The following ARB2A variants were observed in gnomAD, a reference collection of about 807,000 sequenced individuals.
ARB2A encodes the protein ARB2 cotranscriptional regulator A, also known as cotranscriptional regulator ARB2A.
the ARB2A span, among the ~76,000 whole-genome samples, chr5:93,832,639 C>A: frequency 6.6e-6 from 1 of 152,312 alleles, no homozygotes; most frequent in Admixed American, 6.5e-5. Flanking sequence ...AGTCCTACCC[C>A]TGGTCGCTTG....
the ARB2A span, among the ~76,000 whole-genome samples, chr5:94,001,601 T>C: frequency 4.0e-4 from 61 of 152,242 alleles, no homozygotes; most frequent in African/African-American, 1.4e-3. Context: ...TCCAGTCCAC[T>C]AATACACTGA....
the ARB2A span, among the ~76,000 whole-genome samples, chr5:94,070,167 C>A: frequency 6.6e-6 from 1 of 152,008 alleles, no homozygotes; most frequent in Non-Finnish European, 1.5e-5. Flanking sequence ...AGAATAAAAT[C>A]ATGTCATTTG....
chr5:94,111,542 G>C, the ARB2A span: 5 of 152,416 alleles, frequency 3.3e-5, no homozygotes, highest in South Asian at 1.0e-3. Flanking sequence ...AGGGCTGAGG[G>C]GGCAGGCGGG....
the ARB2A span, chr5:93,964,492 T>C: frequency 1.6e-5 from 26 of 1,582,760 alleles, no homozygotes; most frequent in Admixed American, 3.5e-4. Flanking sequence ...ACAATCCTTT[T>C]CCAGGAGCTC....
the ARB2A span, among the ~76,000 whole-genome samples, chr5:93,743,963 G>A: frequency 1.3e-5 from 2 of 152,120 alleles, no homozygotes; most frequent in Admixed American, 6.5e-5. Context: ...ATCGCGCCTG[G>A]CTAACAGCCC....
chr5:93,737,470 G>GTT, the ARB2A span: 4 of 151,544 alleles, frequency 2.6e-5, no homozygotes, highest in African/African-American at 9.7e-5. Context: ...AACCCACAAT[G>GTT]GTGTGTGTGT....
At chr5:93,704,004 G>A in the ARB2A span, among the ~76,000 whole-genome samples, 1 of 152,114 alleles carries the variant, frequency 6.6e-6, no homozygotes, top group Non-Finnish European at 1.5e-5. Context: ...AGCTCTCATG[G>A]GGCTGTTAAA....
chr5:94,051,228 T>C, the ARB2A span, among the ~76,000 whole-genome samples: 4 of 152,122 alleles, frequency 2.6e-5, no homozygotes, highest in African/African-American at 9.7e-5. Context: ...ACAATCGAGA[T>C]TGAAATATGT....
chr5:93,710,818 T>A, the ARB2A span, among the ~76,000 whole-genome samples: 1 of 152,224 alleles, frequency 6.6e-6, no homozygotes, highest in African/African-American at 2.4e-5. Flanking sequence ...AACATTTTAG[T>A]TAGTCTGCTT....
the ARB2A span, among the ~76,000 whole-genome samples, chr5:94,069,017 A>G: frequency 6.7e-6 from 1 of 150,270 alleles, no homozygotes; most frequent in African/African-American, 2.5e-5. Context: ...CCTCGGCAAC[A>G]ATAGTGAAAC....
the ARB2A span, among the ~76,000 whole-genome samples, chr5:93,828,719 C>T: frequency 1.3e-5 from 2 of 152,104 alleles, no homozygotes; most frequent in Non-Finnish European, 1.5e-5. Context: ...TTACTCACTC[C>T]CTGCTTAGAA....
the ARB2A span, among the ~76,000 whole-genome samples, chr5:93,768,730 G>A: frequency 4.6e-5 from 7 of 151,864 alleles, no homozygotes; most frequent in African/African-American, 1.5e-4. Context: ...ACAGGCTCAC[G>A]CCACCATGCC....
At chr5:93,996,031 T>C in the ARB2A span, among the ~76,000 whole-genome samples, 5 of 152,106 alleles carry the variant, frequency 3.3e-5, no homozygotes, top group African/African-American at 9.7e-5. Flanking sequence ...GGTGATCAAA[T>C]GTATGGAGAC....
the ARB2A span, among the ~76,000 whole-genome samples, chr5:93,919,976 T>A: frequency 6.6e-6 from 1 of 152,142 alleles, no homozygotes; most frequent in African/African-American, 2.4e-5. Flanking sequence ...ATTTGCTTTA[T>A]TTTTTTCTTG....
At chr5:93,764,079 G>A in the ARB2A span, among the ~76,000 whole-genome samples, 1 of 152,144 alleles carries the variant, frequency 6.6e-6, no homozygotes, top group African/African-American at 2.4e-5. Context: ...AGCAATAAAT[G>A]CCCACAAGAG....
chr5:93,840,593 A>G, the ARB2A span, among the ~76,000 whole-genome samples: 7 of 152,090 alleles, frequency 4.6e-5, no homozygotes, highest in African/African-American at 1.7e-4. Flanking sequence ...ATCCTTTGAC[A>G]TATTTCTAGA....
the ARB2A span, among the ~76,000 whole-genome samples, chr5:94,102,101 TAAA>T: frequency 3.5e-5 from 4 of 114,300 alleles, no homozygotes; most frequent in Admixed American, 8.8e-5. Context: ...AATTCCAAAG[TAAA>T]AAAAAAAAAA....
the ARB2A span, among the ~76,000 whole-genome samples, chr5:93,977,524 AC>A: frequency 6.6e-6 from 1 of 152,116 alleles, no homozygotes. Context: ...GGGAAAGGAT[AC>A]CCTATTCAAT....
the ARB2A span, among the ~76,000 whole-genome samples, chr5:93,939,558 CAAAAGG>C: frequency 6.6e-6 from 1 of 151,964 alleles, no homozygotes; most frequent in Non-Finnish European, 1.5e-5. Context: ...TTTTCATTAT[CAAAAGG>C]AAAAGCAAAG....
Sources: gnomAD v4.1 joint callset for allele counts (sites outside exome capture counted in the v4.1 genomes callset) on GRCh38, gnomAD v4.1.1 for gene constraint, MANE v1.5 for transcripts, NCBI Gene and HGNC (gene_info 2026-07-23, HGNC 2026-07-21) for gene names.